MYOCD: variants seen among roughly 807,000 people sequenced by gnomAD.
MYOCD encodes myocardin.
In MYOCD, 32 loss-of-function variants were observed where a neutral mutation model predicts 96.1. The observed-to-expected ratio is 0.33, with a 90% confidence interval of 0.25 to 0.45. The LOEUF is 0.45. Among genes scored for constraint, MYOCD ranks in the 20% least tolerant of loss-of-function variants. MYOCD has a pLI of 1.00. For synonymous variants in MYOCD, 469 were observed against 469.0 expected (o/e 1.00, Z 0.00); for missense variants, 1,133 against 1,200.6 (o/e 0.94, Z 0.83).
In MYOCD at chr17:12,731,817, C is replaced by T. The variant is rs1316666735; in HGVS notation, c.416-4344C>T. ...AGGAGGTGTTCATGCCAAAAGGAAG[C>T]CACTGCTATGTACTTACAGGAGCCC... On this transcript the variant is annotated intron_variant, in intron 5 of 13. Coordinates refer to ENST00000425538, the MANE Select transcript of MYOCD (RefSeq NM_001146312.3). 2.0e-5 allele frequency among the ~76,000 whole-genome samples: 3 copies of T among 152,332 alleles called. No homozygotes were observed. The South Asian group carries it at 6.2e-4, about 32-fold the overall frequency.
chr17:12,722,207 A>G (rs2031858986), intron 4 of MYOCD, among the ~76,000 whole-genome samples: 1 of 152,206 alleles, frequency 6.6e-6, no homozygotes. Context: ...TCAGGGCCCA[A>G]CCTAAAAAGG....
chr17:12,750,315 C>G (rs749601516), intron 9 of MYOCD, among the ~76,000 whole-genome samples: 2 of 152,190 alleles, frequency 1.3e-5, no homozygotes, highest in Non-Finnish European at 2.9e-5. Context: ...GCATTTCCAA[C>G]TAGCTCCCAG....
chr17:12,701,971 A>G (rs2150670444), intron 1 of MYOCD, among the ~76,000 whole-genome samples: 1 of 152,242 alleles, frequency 6.6e-6, no homozygotes, highest in East Asian at 1.9e-4. Flanking sequence ...GGCCTAGTGT[A>G]TATTGGTGAA....
chr17:12,729,546 T>C (rs1022538833), intron 5 of MYOCD, among the ~76,000 whole-genome samples: 2 of 151,448 alleles, frequency 1.3e-5, no homozygotes, highest in African/African-American at 4.8e-5. Context: ...CTGAGGAGCA[T>C]CCTGTCAAAG....
chr17:12,710,648 C>A, intron 2 of MYOCD: 1 of 277,184 alleles, frequency 3.6e-6, no homozygotes, highest in Non-Finnish European at 5.5e-6. Context: ...GTTGACTGGA[C>A]AAAGTCTCTC....
intron 1 of MYOCD, among the ~76,000 whole-genome samples, chr17:12,676,973 C>A (rs193022404): frequency 2.0e-5 from 3 of 152,276 alleles, no homozygotes; most frequent in Admixed American, 2.0e-4. Context: ...ATAAAAAGTG[C>A]TTGACATAGT....
chr17:12,756,795 AG>A (rs974153870), intron 11 of MYOCD, among the ~76,000 whole-genome samples: 93 of 151,944 alleles, frequency 6.1e-4, no homozygotes, highest in African/African-American at 2.2e-3. Flanking sequence ...GGTGGGAGGG[AG>A]GGACAGATTG....
chr17:12,760,272 G>A (rs565772511), intron 12 of MYOCD: 19 of 254,318 alleles, frequency 7.5e-5, no homozygotes, highest in African/African-American at 3.3e-4. Flanking sequence ...TGTACGATTC[G>A]CTTCTATGAG....
At chr17:12,684,978 C>A (rs2030025186) in intron 1 of MYOCD, among the ~76,000 whole-genome samples, 1 of 151,890 alleles carries the variant, frequency 6.6e-6, no homozygotes, top group Non-Finnish European at 1.5e-5. Flanking sequence ...TAGGAAGTGC[C>A]ATGTTTATTT....
At chr17:12,733,903 AATGTGCCCCCTTCC>A (rs2032259462) in intron 5 of MYOCD, among the ~76,000 whole-genome samples, 1 of 152,024 alleles carries the variant, frequency 6.6e-6, no homozygotes, top group South Asian at 2.1e-4. Flanking sequence ...GAAATGAGAA[AATGTGCCCCCTTCC>A]TGAACTATTA....
intron 1 of MYOCD, among the ~76,000 whole-genome samples, chr17:12,676,201 T>C (rs1400663491): frequency 6.6e-6 from 1 of 151,728 alleles, no homozygotes; most frequent in Admixed American, 6.6e-5. Flanking sequence ...TTACTTGATA[T>C]AGAATACAAT....
At chr17:12,707,631 G>A (rs973504220) in intron 2 of MYOCD, among the ~76,000 whole-genome samples, 5 of 152,016 alleles carry the variant, frequency 3.3e-5, no homozygotes, top group African/African-American at 4.8e-5. Flanking sequence ...GGAGAATGGC[G>A]TGAACCCAGG....
intron 12 of MYOCD, 146 bp downstream of exon 12, chr17:12,758,359 C>A (rs1242423602): frequency 2.5e-6 from 3 of 1,206,426 alleles, no homozygotes; most frequent in Non-Finnish European, 3.5e-6. Flanking sequence ...ATTATCTAGA[C>A]AATAATTGGA....
At chr17:12,754,414 C>T (rs568235218) in intron 10 of MYOCD, among the ~76,000 whole-genome samples, 1 of 152,140 alleles carries the variant, frequency 6.6e-6, no homozygotes, top group Admixed American at 6.6e-5. Context: ...AAATTTGCAA[C>T]TTTAAATAGA....
intron 1 of MYOCD, among the ~76,000 whole-genome samples, chr17:12,668,652 G>A (rs941613730): frequency 2.6e-5 from 4 of 152,012 alleles, no homozygotes; most frequent in Non-Finnish European, 4.4e-5. Context: ...GGTTGAGTGC[G>A]TGGGTCTCGG....
At chr17:12,726,790 CATA>C (rs2032012596) in intron 5 of MYOCD, among the ~76,000 whole-genome samples, 1 of 152,098 alleles carries the variant, frequency 6.6e-6, no homozygotes. Context: ...TAAATATGAT[CATA>C]ATGATTGGTT....
chr17:12,739,022 C>T (rs72813105), intron 6 of MYOCD, among the ~76,000 whole-genome samples, 181 bp from the exon 7 acceptor site: 323 of 152,150 alleles, frequency 2.1e-3, no homozygotes, highest in South Asian at 3.5e-3. Context: ...CATATATATA[C>T]ACACACACAT....
intron 1 of MYOCD, among the ~76,000 whole-genome samples, chr17:12,700,255 A>AT (rs2031001123): frequency 6.6e-6 from 1 of 151,904 alleles, no homozygotes; most frequent in Non-Finnish European, 1.5e-5. Context: ...AACTCTTCTA[A>AT]TTCTTTTTGT....
chr17:12,719,174 CAAAAAAAAAAAAAAAAA>C (rs71144920), intron 4 of MYOCD, among the ~76,000 whole-genome samples: 3 of 49,160 alleles, frequency 6.1e-5, no homozygotes, highest in South Asian at 1.2e-3. Flanking sequence ...GACTCTGTCT[CAAAAAAAAAAAAAAAAA>C]AAAAAAAAAA....
Sources: gnomAD v4.1 joint callset for allele counts (sites outside exome capture counted in the v4.1 genomes callset) on GRCh38, gnomAD v4.1.1 for gene constraint, MANE v1.5 for transcripts, NCBI Gene and HGNC (gene_info 2026-07-23, HGNC 2026-07-21) for gene names.